NAV3: variants seen among roughly 807,000 people sequenced by gnomAD.
The protein encoded by NAV3 is pore membrane and/or filament interacting like protein 1.
In NAV3, 87 loss-of-function variants were observed where a neutral mutation model predicts 244.7. That is an observed-to-expected ratio of 0.36 (90% CI 0.30 to 0.42). The LOEUF is 0.42. Ranked by LOEUF, NAV3 falls within the 20% of genes least tolerant of loss-of-function variation. The probability of loss-of-function intolerance (pLI) is 1.00; values close to 1 mark genes in which losing one functional copy is unlikely to be tolerated. For synonymous variants in NAV3, 1,126 were observed against 1,042.2 expected (o/e 1.08, Z -1.55); for missense variants, 2,663 against 2,893.3 (o/e 0.92, Z 1.83).
intron 12 of NAV3, among the ~76,000 whole-genome samples, chr12:78,102,943 G>A (rs931178391): frequency 6.6e-6 from 1 of 152,160 alleles, no homozygotes; most frequent in Non-Finnish European, 1.5e-5. Context: ...TTCTGGATCA[G>A]TGAAGGGTGG....
rs548088120 is a variant in NAV3, at chr12:77,708,630, A to C, written c.72+136364A>C. The stretch of plus-strand genomic sequence containing the variant: ...TGGTAGCTTGATGGGGATGGCATTG[A>C]ATCTATAAATTACCTTGGGCAGTAT... On this transcript the variant is annotated intron_variant, in intron 2 of 8. Transcript: ENST00000550042. 1.5e-4 allele frequency among the ~76,000 whole-genome samples: 23 copies of C among 152,234 alleles called. No individual in the cohort carries two copies. The South Asian group carries it at 4.8e-3, about 32-fold the overall frequency.
At chr12:77,738,063 G>T (rs771066696) in intron 2 of NAV3, among the ~76,000 whole-genome samples, 23 of 152,050 alleles carry the variant, frequency 1.5e-4, no homozygotes, top group Non-Finnish European at 3.1e-4. Context: ...CAGGTTTCTA[G>T]ATGTCTACTT....
At chr12:78,182,737 C>T (rs966259729) in intron 30 of NAV3, among the ~76,000 whole-genome samples, 5 of 151,700 alleles carry the variant, frequency 3.3e-5, no homozygotes, top group African/African-American at 4.8e-5. Flanking sequence ...TTTTTTTACC[C>T]ATTCCCTAAG....
intron 38 of NAV3, among the ~76,000 whole-genome samples, chr12:78,203,534 G>A (rs1280305421): frequency 6.6e-6 from 1 of 151,988 alleles, no homozygotes; most frequent in Admixed American, 6.6e-5. Context: ...TTTTATTTTA[G>A]GTAAGTCCAA....
At chr12:77,936,167 T>C (rs1036538702) in intron 1 of NAV3, among the ~76,000 whole-genome samples, 3 of 152,208 alleles carry the variant, frequency 2.0e-5, no homozygotes, top group African/African-American at 7.2e-5. Flanking sequence ...CCTCAAAGAA[T>C]ACATGCTATT....
intron 2 of NAV3, among the ~76,000 whole-genome samples, chr12:77,661,410 T>A (rs1873441102): frequency 6.6e-6 from 1 of 152,160 alleles, no homozygotes; most frequent in Admixed American, 6.5e-5. Context: ...TTTGCCATTT[T>A]GAATTGAGTT....
intron 2 of NAV3, among the ~76,000 whole-genome samples, chr12:77,691,360 T>TATATATATA: frequency 7.4e-6 from 1 of 134,824 alleles, no homozygotes. Flanking sequence ...TATATACATA[T>TATATATATA]CCATTCTTGT....
chr12:77,708,278 C>A (rs189619012), intron 2 of NAV3, among the ~76,000 whole-genome samples: 3,795 of 152,246 alleles, frequency 0.025, 89 homozygotes, highest in African/African-American at 0.06. Flanking sequence ...CTACATATGG[C>A]TAGCCAGTTT....
At position 77,791,279 on chromosome 12, in the gene NAV3, G is replaced by A. The variant is rs560044492; in HGVS notation, c.73-149040G>A. ...TTAGGTAGAAGAATTGCTTGAACCC[G>A]GGAGGTGGAGGTTGCAGTGAGCCAA... On this transcript the variant is annotated intron_variant, in intron 2 of 8. Coordinates refer to the NAV3 transcript ENST00000550042. 3.5e-4 allele frequency among the ~76,000 whole-genome samples: 53 copies of A among 151,202 alleles called. No individual in the cohort carries two copies. The South Asian group carries it at 0.011, about 30-fold the overall frequency.
At chr12:78,015,631 C>G (rs1313481479) in intron 8 of NAV3, among the ~76,000 whole-genome samples, 2 of 151,898 alleles carry the variant, frequency 1.3e-5, no homozygotes, top group Non-Finnish European at 2.9e-5. Flanking sequence ...ATAATATCTG[C>G]CACAATTTTA....
intron 2 of NAV3, among the ~76,000 whole-genome samples, chr12:77,675,764 A>T (rs1874177879): frequency 6.6e-6 from 1 of 151,974 alleles, no homozygotes; most frequent in Non-Finnish European, 1.5e-5. Flanking sequence ...GTGTTCTGGG[A>T]AGGTTGTGCC....
intron 2 of NAV3, among the ~76,000 whole-genome samples, chr12:77,618,948 G>A (rs1049472825): frequency 6.6e-6 from 1 of 152,176 alleles, no homozygotes. Flanking sequence ...CATAAGCTTT[G>A]TGTTATGCAA....
At chr12:78,173,897 A>T (rs891355467) in intron 24 of NAV3, among the ~76,000 whole-genome samples, 1 of 151,656 alleles carries the variant, frequency 6.6e-6, no homozygotes, top group Non-Finnish European at 1.5e-5. Flanking sequence ...TACATATATT[A>T]CATGTCTATC....
At chr12:77,734,749 T>C (rs145782293) in intron 2 of NAV3, among the ~76,000 whole-genome samples, 23 of 152,282 alleles carry the variant, frequency 1.5e-4, no homozygotes, top group African/African-American at 5.5e-4. Context: ...CCCCAAGCCA[T>C]TGCTTCCAGC....
chr12:77,888,417 C>G (rs978659953), intron 1 of NAV3, among the ~76,000 whole-genome samples: 3 of 152,082 alleles, frequency 2.0e-5, no homozygotes, highest in Admixed American at 6.6e-5. Context: ...GTCAAGACTG[C>G]AGTGAGCCGC....
chr12:78,098,755 A>AT (rs1199565832), intron 12 of NAV3, among the ~76,000 whole-genome samples: 2 of 151,778 alleles, frequency 1.3e-5, no homozygotes, highest in Non-Finnish European at 3.0e-5. Context: ...ATACAAATGG[A>AT]TTATTTAAAC....
chr12:77,713,213 AT>A (rs1176851366), intron 2 of NAV3, among the ~76,000 whole-genome samples: 2 of 152,216 alleles, frequency 1.3e-5, no homozygotes. Flanking sequence ...AATTTATCTT[AT>A]TATAGAGAGA....
intron 1 of NAV3, among the ~76,000 whole-genome samples, chr12:77,934,905 C>A (rs1889179773): frequency 6.6e-6 from 1 of 152,162 alleles, no homozygotes; most frequent in African/African-American, 2.4e-5. Context: ...TTCATAATAT[C>A]TTCTAATCAG....
At chr12:77,755,100 A>G (rs1357472514) in intron 2 of NAV3, among the ~76,000 whole-genome samples, 1 of 152,194 alleles carries the variant, frequency 6.6e-6, no homozygotes, top group Non-Finnish European at 1.5e-5. Flanking sequence ...AGCTCAGCCT[A>G]CAGGTGGACA....
Sources: allele counts gnomAD v4.1 joint callset (sites outside exome capture counted in the v4.1 genomes callset), GRCh38; gene constraint gnomAD v4.1.1; transcripts MANE v1.5; gene names NCBI Gene and HGNC (gene_info 2026-07-23, HGNC 2026-07-21).